Variants in OSBPL8 observed in about 807,000 individuals in gnomAD.
OSBPL8 encodes oxysterol binding protein like 8, also known as oxysterol-binding protein-related protein 8.
A neutral mutation model predicts 125.5 loss-of-function variants in OSBPL8; 59 were observed. The observed-to-expected ratio is 0.47, with a 90% CI of 0.38 to 0.58. The LOEUF is 0.58. Ranked by LOEUF, OSBPL8 falls within the 20% of genes least tolerant of loss-of-function variation. The probability of loss-of-function intolerance (pLI) is 0.00; values close to 1 mark genes in which losing one functional copy is unlikely to be tolerated. For missense variants in OSBPL8, 758 were observed against 1,047.8 expected (o/e 0.72, Z 3.82); for synonymous variants, 330 against 338.9 (o/e 0.97, Z 0.29).
At chr12:76,507,013 T>A (rs1474037940) in intron 1 of OSBPL8, among the ~76,000 whole-genome samples, 1 of 151,932 alleles carries the variant, frequency 6.6e-6, no homozygotes, top group African/African-American at 2.4e-5. Flanking sequence ...TAAGTAACTT[T>A]TTTGTAAAAG....
At chr12:76,439,612 G>C (rs1327974024) in intron 4 of OSBPL8, among the ~76,000 whole-genome samples, 1 of 151,838 alleles carries the variant, frequency 6.6e-6, no homozygotes, top group East Asian at 1.9e-4. Flanking sequence ...GGTAGGATTT[G>C]TTTGTAAACC....
chr12:76,395,378 T>G (rs1953748637), intron 8 of OSBPL8, among the ~76,000 whole-genome samples: 1 of 152,218 alleles, frequency 6.6e-6, no homozygotes, highest in Non-Finnish European at 1.5e-5. Flanking sequence ...GTACTGAATT[T>G]AAAGTATAAT....
At chr12:76,359,017 G>A (rs904531205) in intron 21 of OSBPL8, among the ~76,000 whole-genome samples, 3 of 152,116 alleles carry the variant, frequency 2.0e-5, no homozygotes, top group African/African-American at 7.2e-5. Context: ...TGGCACAAAT[G>A]TCAAAAAGTA....
chr12:76,486,064 A>C (rs1318146199), intron 2 of OSBPL8: 1 of 425,808 alleles, frequency 2.3e-6, no homozygotes, highest in Non-Finnish European at 4.7e-6. Flanking sequence ...TCAATGTGAC[A>C]ACAGCCTTCT....
chr12:76,496,368 T>C (rs938347774), intron 1 of OSBPL8, among the ~76,000 whole-genome samples: 2 of 134,658 alleles, frequency 1.5e-5, no homozygotes, highest in Non-Finnish European at 3.2e-5. Context: ...AAATGCTGTG[T>C]AATTTTTTTT....
chr12:76,427,490 C>T (rs1870287833), intron 4 of OSBPL8, among the ~76,000 whole-genome samples: 1 of 151,620 alleles, frequency 6.6e-6, no homozygotes. Context: ...GATGTAACTG[C>T]TATAGACTAA....
chr12:76,447,915 T>G (rs556257590), intron 4 of OSBPL8, among the ~76,000 whole-genome samples: 9 of 152,212 alleles, frequency 5.9e-5, no homozygotes, highest in Non-Finnish European at 1.3e-4. Flanking sequence ...TCTTTAGGAT[T>G]AAGGACGTAA....
chr12:76,443,479 A>T (rs1872422804), intron 4 of OSBPL8, among the ~76,000 whole-genome samples: 1 of 152,092 alleles, frequency 6.6e-6, no homozygotes, highest in African/African-American at 2.4e-5. Flanking sequence ...GGAAAGGGTG[A>T]ACGCGAGCCT....
intron 4 of OSBPL8, among the ~76,000 whole-genome samples, chr12:76,424,614 T>C (rs1869918412): frequency 6.6e-6 from 1 of 152,200 alleles, no homozygotes; most frequent in Admixed American, 6.5e-5. Context: ...AATCTCTGTT[T>C]TATCTTTCCT....
In OSBPL8 at chr12:76,410,493, T is replaced by C; in HGVS notation, c.288+71A>G. On this transcript the variant is annotated intron_variant, in intron 5 of 23. Coordinates refer to ENST00000261183, the MANE Select transcript of OSBPL8 (RefSeq NM_020841.5). Reference sequence around the variant, plus strand: ...ACATCACAAAAAAGCTTCATAGGATTTCAGTGTTAGTTCCCTCATCTCAAA... The same window carrying C: ...ACATCACAAAAAAGCTTCATAGGATCTCAGTGTTAGTTCCCTCATCTCAAA... 3 of 1,124,042 alleles carry C rather than the reference T, an allele frequency of 2.7e-6. No homozygotes were observed. The South Asian group carries it at 4.0e-5, about 15-fold the overall frequency. 69.6% of individuals were successfully genotyped at this position (1,124,042 alleles called of 1,614,324 possible).
chr12:76,358,580 T>C, intron 22 of OSBPL8, 126 bp downstream of exon 22: 1 of 730,440 alleles, frequency 1.4e-6, no homozygotes, highest in Non-Finnish European at 2.3e-6. Context: ...AGAATTGCTT[T>C]TGTATCTCAA....
chr12:76,412,525 T>C (rs920538576), intron 4 of OSBPL8, among the ~76,000 whole-genome samples: 1 of 152,190 alleles, frequency 6.6e-6, no homozygotes, highest in African/African-American at 2.4e-5. Flanking sequence ...CTATATCCCT[T>C]TAACTTGTTC....
At chr12:76,454,448 G>A (rs2136766604) in intron 3 of OSBPL8, among the ~76,000 whole-genome samples, 1 of 152,264 alleles carries the variant, frequency 6.6e-6, no homozygotes, top group East Asian at 1.9e-4. Flanking sequence ...CAGCTACTCA[G>A]GAGGCTGAGG....
At position 76,390,441 on chromosome 12, in the gene OSBPL8, C is replaced by A; in HGVS notation, c.1146G>T (p.Gln382His). 6.2e-7 allele frequency: 1 copy of A among 1,612,722 alleles called. No homozygotes were observed. Among genetic ancestry groups the A allele is most frequent in the Non-Finnish European group, 8.5e-7 (1 of 1,179,120 alleles). Residue 382 changes from glutamine to histidine, a missense_variant, in exon 11 of 24, where the codon CAG (glutamine) becomes CAT (histidine). This residue lies in a region of OSBPL8 where 572 missense variants were observed against 762.0 expected (regional missense o/e 0.75). Coordinates refer to ENST00000261183, the MANE Select transcript of OSBPL8 (RefSeq NM_020841.5). The stretch of plus-strand genomic sequence containing the variant: ...TTACCTCTCCAAGTTCTTCATGGCT[C>A]TGTTCAGTGTAGGTAGTCTCCTTTA... ...EPLKETTYTE[Q>H]SHEELGEAGE...
intron 7 of OSBPL8, among the ~76,000 whole-genome samples, chr12:76,399,609 C>A (rs1052747082): frequency 6.6e-6 from 1 of 152,090 alleles, no homozygotes; most frequent in Non-Finnish European, 1.5e-5. Context: ...TATTAGACAA[C>A]ATATCACACA....
At chr12:76,557,370 A>G (rs1210237734) in intron 1 of OSBPL8, among the ~76,000 whole-genome samples, 1 of 152,140 alleles carries the variant, frequency 6.6e-6, no homozygotes, top group Non-Finnish European at 1.5e-5. Context: ...TAATCCCAGC[A>G]CTTTGGGAGG....
chr12:76,409,325 C>G (rs1246912490), intron 5 of OSBPL8, among the ~76,000 whole-genome samples: 2 of 152,182 alleles, frequency 1.3e-5, no homozygotes, highest in Admixed American at 1.3e-4. Context: ...AGAAGCTGAA[C>G]AAACAGGCCT....
rs191196144 is a variant in OSBPL8, at chr12:76,537,431, C to T, written c.-68+21966G>A. On this transcript the variant is annotated intron_variant, in intron 1 of 23. Transcript: ENST00000261183. The stretch of plus-strand genomic sequence containing the variant: ...TTATGATGTGCAAACTAACTTAAAT[C>T]TTAAGATTTTGCTTATAGAACAGTG... 1.5e-3 allele frequency among the ~76,000 whole-genome samples: 223 copies of T among 152,164 alleles called. 1 individual carries two copies. The highest frequency in any genetic ancestry group is 5.2e-3 in the African/African-American group (216 of 41,508).
chr12:76,385,326 T>C (rs1179300003), intron 14 of OSBPL8, among the ~76,000 whole-genome samples: 1 of 152,210 alleles, frequency 6.6e-6, no homozygotes, highest in African/African-American at 2.4e-5. Context: ...GAATGTCGTA[T>C]TCCTCAAGTT....
Sources: allele counts gnomAD v4.1 joint callset (sites outside exome capture counted in the v4.1 genomes callset), GRCh38; gene constraint gnomAD v4.1.1; regional missense constraint gnomAD v4.1.1; transcripts MANE v1.5; gene names NCBI Gene and HGNC (gene_info 2026-07-23, HGNC 2026-07-21).